Variants in TJP1 observed in about 807,000 individuals in gnomAD.
TJP1 encodes tight junction protein 1.
A neutral mutation model predicts 194.2 loss-of-function variants in TJP1; 43 were observed. The ratio of observed to expected loss-of-function variants is 0.22; its 90% CI spans 0.17 to 0.29. The LOEUF (loss-of-function observed/expected upper bound fraction) is 0.29. Ranked by LOEUF, TJP1 falls within the 10% of genes least tolerant of loss-of-function variation. The pLI is 1.00. For missense variants in TJP1, 1,971 were observed against 2,185.7 expected, an observed-to-expected ratio of 0.90 and a Z score of 1.96; for synonymous variants, 801 against 779.0, an observed-to-expected ratio of 1.03 and a Z score of -0.47.
intron 15 of TJP1, among the ~76,000 whole-genome samples, chr15:29,731,468 C>T (rs2043654924): frequency 6.6e-6 from 1 of 152,140 alleles, no homozygotes; most frequent in Non-Finnish European, 1.5e-5. Flanking sequence ...TGGCACCTGT[C>T]AAAAGAGCAG....
At chr15:29,886,415 G>A (rs913294477) in intron 2 of TJP1, among the ~76,000 whole-genome samples, 2 of 151,950 alleles carry the variant, frequency 1.3e-5, no homozygotes, top group African/African-American at 4.8e-5. Context: ...TGGATGGTGT[G>A]TTTATAGGAA....
intron 1 of TJP1, chr15:29,956,512 T>C: frequency 1.8e-6 from 1 of 566,298 alleles, no homozygotes; most frequent in Non-Finnish European, 2.6e-6. Context: ...CAGAGCTACA[T>C]TCTATCAGAT....
intron 24 of TJP1, among the ~76,000 whole-genome samples, chr15:29,709,542 A>G (rs1404723192): frequency 2.0e-5 from 3 of 152,208 alleles, no homozygotes; most frequent in African/African-American, 7.2e-5. Context: ...TAAGGACACT[A>G]CAAGACAGGA....
At chr15:29,910,638 C>G (rs886728375) in intron 2 of TJP1, among the ~76,000 whole-genome samples, 2 of 152,200 alleles carry the variant, frequency 1.3e-5, no homozygotes, top group African/African-American at 4.8e-5. Context: ...GCTCTAACAA[C>G]TGCACTAATA....
chr15:29,831,097 C>A (rs2050824539), intron 2 of TJP1, among the ~76,000 whole-genome samples: 1 of 152,110 alleles, frequency 6.6e-6, no homozygotes. Flanking sequence ...CTATTGAACA[C>A]CCCTGGATAA....
Position 29,751,572 on chromosome 15 carries a change from C to A in TJP1, c.1011-8791G>T, listed in dbSNP as rs117481413. On this transcript the variant is annotated intron_variant, in intron 8 of 27. Transcript: ENST00000614355. ...TTAGTAAGAAACAACTGAGGAAAGC[C>A]CAAGAGGACTTTTGTCTCACTTAAA... Among the ~76,000 whole-genome samples the A allele has an allele frequency of 8.5e-5, 13 of 152,270 alleles. No homozygotes were observed. The East Asian group carries it at 2.5e-3, about 29-fold the overall frequency.
intron 2 of TJP1, among the ~76,000 whole-genome samples, chr15:29,876,979 G>C (rs2052724186): frequency 6.6e-6 from 1 of 152,174 alleles, no homozygotes; most frequent in South Asian, 2.1e-4. Flanking sequence ...AGTGACTTCA[G>C]TTAATTTCAA....
At chr15:29,871,426 T>C (rs1369878318) in intron 2 of TJP1, among the ~76,000 whole-genome samples, 4 of 152,378 alleles carry the variant, frequency 2.6e-5, no homozygotes, top group East Asian at 3.9e-4. Context: ...AAACCTGCTA[T>C]GATTTGCCCG....
chr15:29,961,331 A>ATTT (rs2056148761), intron 1 of TJP1, among the ~76,000 whole-genome samples: 1 of 83,334 alleles, frequency 1.2e-5, no homozygotes, highest in African/African-American at 4.4e-5. Flanking sequence ...ACTTTTCCTA[A>ATTT]TTCTTTTTTT....
chr15:29,767,256 CTGAA>C (rs1185686570), intron 4 of TJP1, among the ~76,000 whole-genome samples: 1 of 152,208 alleles, frequency 6.6e-6, no homozygotes, highest in Non-Finnish European at 1.5e-5. Context: ...CACCTGCTGA[CTGAA>C]TGGCCCTGTA....
At chr15:29,748,959 T>TGTGTGTGTGTGTGTGCGC (rs745358705) in intron 8 of TJP1, among the ~76,000 whole-genome samples, 3 of 37,850 alleles carry the variant, frequency 7.9e-5, no homozygotes, top group Non-Finnish European at 2.8e-4. Context: ...TGTGTGCGCG[T>TGTGTGTGTGTGTGTGCGC]GTGTGCGCGC....
intron 27 of TJP1, among the ~76,000 whole-genome samples, chr15:29,703,509 TAAAGGAAC>T (rs779671519): frequency 4.6e-5 from 7 of 152,050 alleles, no homozygotes; most frequent in Non-Finnish European, 1.0e-4. Flanking sequence ...AATAGTTATA[TAAAGGAAC>T]AAAGTCATTT....
At position 29,813,160 on chromosome 15, in the gene TJP1, TCTTACTACTAAAACATACTTCAATA is replaced by T. The variant is rs1343774099; in HGVS notation, c.27+8817_27+8841del. Among the ~76,000 whole-genome samples, 10 of 152,270 alleles carry T rather than the reference TCTTACTACTAAAACATACTTCAATA, an allele frequency of 6.6e-5. No individual in the cohort carries two copies. In the East Asian group the frequency reaches 1.2e-3, roughly 18 times the overall value. ...GTCTGATCAGTCAGGTAAGTGGATA[TCTTACTACTAAAACATACTTCAATA>T]CTTACTACTAAAACATACTTTAGTA... On this transcript the variant is annotated intron_variant, in intron 1 of 27. Transcript: ENST00000614355.
At chr15:29,764,984 C>T (rs550493549) in intron 5 of TJP1, among the ~76,000 whole-genome samples, 2 of 151,990 alleles carry the variant, frequency 1.3e-5, no homozygotes, top group East Asian at 3.9e-4. Flanking sequence ...AAAAAAGATT[C>T]TAGGAGAGAA....
exon 1 of TJP1, chr15:29,968,788 G>A (rs1308002880): frequency 1.7e-6 from 2 of 1,211,000 alleles, no homozygotes; most frequent in African/African-American, 3.3e-5. Context: ...TCGCGGGCAG[G>A]GCCCCGCCGC....
chr15:29,705,437 C>T (rs2041831274), intron 26 of TJP1, 91 bp downstream of exon 26: 3 of 1,302,260 alleles, frequency 2.3e-6, no homozygotes, highest in Non-Finnish European at 3.2e-6. Context: ...TAGAGAGGTG[C>T]TGCATTATTA....
intron 2 of TJP1, among the ~76,000 whole-genome samples, chr15:29,955,753 TAAAAAAAAAAAAAA>T (rs563535771): frequency 1.2e-3 from 42 of 35,814 alleles, no homozygotes; most frequent in African/African-American, 4.5e-3. Context: ...CCTGGCTCTT[TAAAAAAAAAAAAAA>T]AAAAAAAAAA....
At chr15:29,730,154 C>CT (rs1168271948) in intron 15 of TJP1, among the ~76,000 whole-genome samples, 1 of 152,034 alleles carries the variant, frequency 6.6e-6, no homozygotes, top group Non-Finnish European at 1.5e-5. Flanking sequence ...ATAAATAAAA[C>CT]TTTGCCAAAA....
chr15:29,869,807 T>C (rs1456013226), intron 2 of TJP1, among the ~76,000 whole-genome samples: 22 of 125,044 alleles, frequency 1.8e-4, no homozygotes, highest in African/African-American at 6.1e-4. Context: ...TTTTTTTTTT[T>C]TTTTTTTTTT....
Sources: gnomAD v4.1 joint callset for allele counts (sites outside exome capture counted in the v4.1 genomes callset) on GRCh38, gnomAD v4.1.1 for gene constraint, MANE v1.5 for transcripts, NCBI Gene and HGNC (gene_info 2026-07-23, HGNC 2026-07-21) for gene names.